Variants in TANC1 observed in about 807,000 individuals in gnomAD.
The protein encoded by TANC1 is protein TANC1.
TANC1 carries 77 observed loss-of-function variants against 149.7 expected under a neutral mutation model. The observed-to-expected ratio is 0.51, with a 90% confidence interval of 0.43 to 0.62. The LOEUF is 0.62. Among genes scored for constraint, TANC1 ranks in the 20% least tolerant of loss-of-function variants. TANC1 has a pLI of 0.00. For missense variants in TANC1, 1,985 were observed against 2,321.8 expected (o/e 0.85, Z 2.98); for synonymous variants, 854 against 925.0 (o/e 0.92, Z 1.39).
At chr2:159,143,304 A>G (rs2051640336) in intron 5 of TANC1, among the ~76,000 whole-genome samples, 1 of 152,052 alleles carries the variant, frequency 6.6e-6, no homozygotes, top group South Asian at 2.1e-4. Flanking sequence ...TAAAACCATT[A>G]TTTTCCAAAT....
chr2:159,125,945 G>A (rs1009959680), intron 4 of TANC1, among the ~76,000 whole-genome samples: 1 of 152,116 alleles, frequency 6.6e-6, no homozygotes, highest in Non-Finnish European at 1.5e-5. Context: ...TTTAGAGGCT[G>A]CCTGCATTCC....
At chr2:159,071,318 T>C (rs970725127) in intron 3 of TANC1, among the ~76,000 whole-genome samples, 1 of 152,192 alleles carries the variant, frequency 6.6e-6, no homozygotes, top group Admixed American at 6.5e-5. Context: ...TTATGTTAAG[T>C]CTTTTATTTG....
chr2:159,107,108 G>A (rs111572689), intron 4 of TANC1, among the ~76,000 whole-genome samples: 39 of 152,192 alleles, frequency 2.6e-4, no homozygotes, highest in African/African-American at 8.9e-4. Flanking sequence ...GCTCATTGCA[G>A]CTTCCACCTC....
chr2:159,129,606 C>T (rs2150150360), intron 4 of TANC1, among the ~76,000 whole-genome samples: 1 of 151,402 alleles, frequency 6.6e-6, no homozygotes, highest in South Asian at 2.1e-4. Flanking sequence ...TACTTGATAT[C>T]TTTGGGTTTA....
intron 2 of TANC1, chr2:159,004,454 T>C (rs1389834277): frequency 1.4e-6 from 1 of 735,664 alleles, no homozygotes; most frequent in Admixed American, 2.7e-5. Flanking sequence ...TTAATAATGC[T>C]GTTTGTTCAG....
At chr2:158,999,953 C>A (rs1245384141) in intron 1 of TANC1, among the ~76,000 whole-genome samples, 2 of 151,954 alleles carry the variant, frequency 1.3e-5, no homozygotes, top group African/African-American at 4.8e-5. Flanking sequence ...GGTAATTTTC[C>A]TTTCTTGAGA....
chr2:159,144,979 G>A (rs112400656), intron 5 of TANC1, among the ~76,000 whole-genome samples: 22 of 152,332 alleles, frequency 1.4e-4, no homozygotes, highest in African/African-American at 4.6e-4. Context: ...GTGAACTGAC[G>A]AATGTCGTCA....
At chr2:159,096,619 A>AGG (rs2046169756) in intron 3 of TANC1, among the ~76,000 whole-genome samples, 1 of 152,208 alleles carries the variant, frequency 6.6e-6, no homozygotes, top group South Asian at 2.1e-4. Context: ...CCTATTGGCT[A>AGG]GGGTTGGACC....
At chr2:159,013,709 G>A (rs1459008373) in intron 2 of TANC1, among the ~76,000 whole-genome samples, 3 of 152,162 alleles carry the variant, frequency 2.0e-5, no homozygotes, top group East Asian at 1.9e-4. Context: ...AGAGGCACCC[G>A]AGGACTGGGT....
chr2:159,184,683 G>A (rs570858301), intron 14 of TANC1, among the ~76,000 whole-genome samples: 19 of 152,250 alleles, frequency 1.2e-4, no homozygotes, highest in South Asian at 8.3e-4. Flanking sequence ...TGCTGACAGC[G>A]GTTTCCATGG....
At chr2:159,227,299 T>A (rs916639497) in intron 24 of TANC1, 1 of 152,718 alleles carries the variant, frequency 6.5e-6, no homozygotes, top group African/African-American at 2.4e-5. Context: ...TTTTTTTAGC[T>A]TTGAAAATGA....
At chr2:159,219,384 G>A (rs774892036) in intron 21 of TANC1, 23 bp downstream of exon 21, 2 of 1,613,484 alleles carry the variant, frequency 1.2e-6, no homozygotes, top group Non-Finnish European at 1.7e-6. Flanking sequence ...TGCCCTCAAA[G>A]GTTTCTTTTG....
At chr2:159,215,381 G>A (rs1304441104) in intron 19 of TANC1, among the ~76,000 whole-genome samples, 1 of 152,220 alleles carries the variant, frequency 6.6e-6, no homozygotes, top group Non-Finnish European at 1.5e-5. Flanking sequence ...CTTGCAGGGA[G>A]ATAACAGGTT....
chr2:159,004,125 A>G (rs2036903303), intron 2 of TANC1: 5 of 1,612,204 alleles, frequency 3.1e-6, no homozygotes, highest in Middle Eastern at 2.2e-4. Flanking sequence ...AGCCAAACCA[A>G]TCACAGAAAT....
At chr2:159,106,500 C>T (rs2047198073) in intron 4 of TANC1, among the ~76,000 whole-genome samples, 1 of 152,146 alleles carries the variant, frequency 6.6e-6, no homozygotes, top group South Asian at 2.1e-4. Context: ...GTACTGCATT[C>T]AGTAAAATAT....
At chr2:159,131,068 G>A (rs1322467689) in intron 4 of TANC1, among the ~76,000 whole-genome samples, 2 of 151,988 alleles carry the variant, frequency 1.3e-5, no homozygotes, top group Non-Finnish European at 2.9e-5. Context: ...TTCTCTTGAT[G>A]AGCTTCCCCA....
At chr2:159,068,726 T>A (rs2042884525) in intron 3 of TANC1, among the ~76,000 whole-genome samples, 1 of 152,102 alleles carries the variant, frequency 6.6e-6, no homozygotes, top group Non-Finnish European at 1.5e-5. Flanking sequence ...TGTTTGTTGG[T>A]TCTTATTCTT....
chr2:159,028,518 G>A (rs1267438431), intron 2 of TANC1, among the ~76,000 whole-genome samples: 1 of 152,176 alleles, frequency 6.6e-6, no homozygotes, highest in African/African-American at 2.4e-5. Context: ...CCTTGAGTTT[G>A]TATCCTCATA....
chr2:159,135,845 T>C (rs570057543), intron 4 of TANC1, among the ~76,000 whole-genome samples: 1 of 152,358 alleles, frequency 6.6e-6, no homozygotes, highest in African/African-American at 2.4e-5. Flanking sequence ...GGTTTGAACA[T>C]GTCAAAATCA....
Sources: gnomAD v4.1 joint callset for allele counts (sites outside exome capture counted in the v4.1 genomes callset) on GRCh38, gnomAD v4.1.1 for gene constraint, MANE v1.5 for transcripts, NCBI Gene and HGNC (gene_info 2026-07-23, HGNC 2026-07-21) for gene names.